The following KANK3 variants were observed in gnomAD, a reference collection of about 807,000 sequenced individuals.
KANK3 encodes the protein KN motif and ankyrin repeat domains 3.
Under a neutral mutation model 65.4 loss-of-function variants are expected in KANK3, and 61 were observed. That is an observed-to-expected ratio of 0.93 (90% confidence interval 0.76 to 1.15). The LOEUF is 1.15. KANK3 is among the 50% of genes most tolerant of loss of function. The pLI is 0.00. For missense variants in KANK3, 1,187 were observed against 1,178.8 expected, an observed-to-expected ratio of 1.01 and a Z score of -0.10; for synonymous variants, 586 against 543.3, an observed-to-expected ratio of 1.08 and a Z score of -1.09.
intron 7 of KANK3, 113 bp from the exon 8 acceptor site, chr19:8,325,209 G>A (rs1019448178): frequency 3.6e-5 from 42 of 1,179,600 alleles, no homozygotes; most frequent in African/African-American, 9.3e-5. Context: ...TGGTCTCAAC[G>A]TTCTCCCCAC....
chr19:8,339,247 G>T (rs1242263573), intron 1 of KANK3, among the ~76,000 whole-genome samples: 1 of 148,892 alleles, frequency 6.7e-6, no homozygotes, highest in African/African-American at 2.6e-5. Context: ...CAGAACTTTG[G>T]TTCAAAAAGC....
At chr19:8,330,728 C>CAA (rs74176639) in intron 7 of KANK3, among the ~76,000 whole-genome samples, 3,402 of 145,396 alleles carry the variant, frequency 0.023, 180 homozygotes, top group South Asian at 0.17. Flanking sequence ...AACTCCATCT[C>CAA]AAAAAAAAAA....
chr19:8,323,553 G>A (rs1307400670), intron 10 of KANK3: 2 of 151,272 alleles, frequency 1.3e-5, no homozygotes, highest in African/African-American at 2.4e-5. Flanking sequence ...GTGACAGAAC[G>A]AGACTCTTGT....
chr19:8,337,328 C>T (rs571969367), intron 2 of KANK3, among the ~76,000 whole-genome samples: 2 of 151,358 alleles, frequency 1.3e-5, no homozygotes, highest in Non-Finnish European at 2.9e-5. Context: ...CTCAGCCTCC[C>T]GAGTAGCTGG....
intron 1 of KANK3, among the ~76,000 whole-genome samples, chr19:8,338,973 G>C (rs1489190365): frequency 1.3e-5 from 2 of 151,872 alleles, no homozygotes; most frequent in African/African-American, 4.8e-5. Context: ...GGAATTGCGG[G>C]CTGGATGCAC....
In KANK3 at chr19:8,334,582, G is replaced by C; in HGVS notation, c.1245C>G (p.Thr415=). The C allele has an allele frequency of 6.3e-7, 1 of 1,594,668 alleles. No homozygotes were observed. Among genetic ancestry groups the C allele is most frequent in the Non-Finnish European group, 8.5e-7 (1 of 1,177,534 alleles). ...PWSCAEKAAQ[T]ESPAEAPSLT... ...AGGAGGGCGCCTCTGCCGGGGACTC[G>C]GTCTGCGCGGCCTTTTCGGCACAGC... Residue 415 remains threonine, a synonymous_variant, in exon 3 of 11, where the codon ACC becomes ACG. Transcript: ENST00000330915.
At chr19:8,326,162 G>T in intron 7 of KANK3, among the ~76,000 whole-genome samples, 1 of 152,050 alleles carries the variant, frequency 6.6e-6, no homozygotes, top group Non-Finnish European at 1.5e-5. Context: ...CCAGGACACT[G>T]GCTCACGTCT....
At chr19:8,327,581 A>G (rs911237999) in intron 7 of KANK3, among the ~76,000 whole-genome samples, 2 of 152,122 alleles carry the variant, frequency 1.3e-5, no homozygotes, top group Non-Finnish European at 2.9e-5. Flanking sequence ...CAGTGAGCCA[A>G]TATCACACCA....
At position 8,333,015 on chromosome 19, in the gene KANK3, C is replaced by G. The variant is rs1970555637; in HGVS notation, c.1935G>C (p.Thr645=). 15 of 1,324,548 alleles carry G rather than the reference C, an allele frequency of 1.1e-5. No individual in the cohort carries two copies. Among genetic ancestry groups the G allele is most frequent in the Non-Finnish European group, 1.6e-5 (15 of 966,646 alleles). 82.0% of individuals were successfully genotyped at this position (1,324,548 alleles called of 1,614,324 possible). ...CACCCACCCTCCCTTGGCTCTGACC[C>G]GTATCCAGGAGCAGGCTTGCGATGG... is the stretch of plus-strand genomic sequence containing the variant. The part of the protein sequence containing the change: ...NLAIASLLLD[T]GACEVNRQNR... Residue 645 remains threonine, a splice_region_variant and synonymous_variant, in exon 7 of 11, where the codon ACG becomes ACC. Coordinates refer to ENST00000330915, the MANE Select transcript of KANK3 (RefSeq NM_198471.3). The surrounding 1 kb of genome is among the most constrained non-coding windows in gnomAD (Gnocchi z 5.0).
At position 8,324,662 on chromosome 19, in the gene KANK3, G is replaced by A. The variant is rs1254975637; in HGVS notation, c.2251C>T (p.Gln751Ter). 1 of 1,614,034 alleles carries A rather than the reference G, an allele frequency of 6.2e-7. No individual in the cohort carries two copies. The highest frequency in any genetic ancestry group is 8.5e-7 in the Non-Finnish European group (1 of 1,180,024). ...RLDTVRLLLT[Q>*]PGCDPAILDN... is the part of the protein sequence containing the mutation. ...AGGATGGCAGGGTCACAGCCTGGCT[G>A]GGTGAGCAGCAGCCGCACGGTGTCC... Residue 751 changes from glutamine to a stop codon, truncating the protein, a stop_gained, in exon 9 of 11, where the codon CAG becomes TAG. Transcript: ENST00000330915. LOFTEE classifies it high-confidence loss of function.
intron 7 of KANK3, among the ~76,000 whole-genome samples, chr19:8,327,418 T>A (rs1217176713): frequency 6.6e-6 from 1 of 151,820 alleles, no homozygotes; most frequent in Non-Finnish European, 1.5e-5. Flanking sequence ...GATCACAAGG[T>A]CAAGAGATCA....
rs145402858 is a variant in KANK3, at chr19:8,324,677, G to A, written c.2236C>T (p.Arg746Trp). Residue 746 changes from arginine to tryptophan, a missense_variant, in exon 9 of 11, where the codon CGG becomes TGG. By Grantham distance (101) the Arg-to-Trp change is moderately radical (BLOSUM62 -3). Coordinates refer to ENST00000330915, the MANE Select transcript of KANK3 (RefSeq NM_198471.3). ...CAGCCTGGCTGGGTGAGCAGCAGCC[G>A]CACGGTGTCCAGGCGCCCATACTCA... ...ASEYGRLDTV[R>W]LLLTQPGCDP... 46 of 1,613,882 alleles carry A rather than the reference G, an allele frequency of 2.9e-5. No individual in the cohort carries two copies. The Middle Eastern group carries it at 4.9e-4, about 17-fold the overall frequency.
intron 2 of KANK3, 94 bp downstream of exon 2, chr19:8,337,701 C>G (rs1282458916): frequency 6.9e-7 from 1 of 1,459,118 alleles, no homozygotes; most frequent in East Asian, 2.3e-5. Flanking sequence ...GAGGACTGCA[C>G]TCTAGGGCTG....
intron 7 of KANK3, among the ~76,000 whole-genome samples, chr19:8,332,156 G>A (rs1970537360): frequency 6.6e-6 from 1 of 151,638 alleles, no homozygotes; most frequent in Admixed American, 6.6e-5. Flanking sequence ...ACCACGCCCA[G>A]CTAGTTTCTG....
chr19:8,326,812 A>C (rs1468318893), intron 7 of KANK3, among the ~76,000 whole-genome samples: 1 of 151,688 alleles, frequency 6.6e-6, no homozygotes, highest in Non-Finnish European at 1.5e-5. Context: ...AAAAAAAAAA[A>C]AAACCTGCCA....
At chr19:8,326,607 GA>G (rs1970432848) in intron 7 of KANK3, among the ~76,000 whole-genome samples, 1 of 144,644 alleles carries the variant, frequency 6.9e-6, no homozygotes, top group Admixed American at 7.0e-5. Flanking sequence ...CTAACTCAGT[GA>G]AACCCCGTCT....
intron 7 of KANK3, among the ~76,000 whole-genome samples, chr19:8,330,902 G>A (rs1233789710): frequency 6.7e-6 from 1 of 149,096 alleles, no homozygotes; most frequent in Non-Finnish European, 1.5e-5. Flanking sequence ...AGATCTGTTC[G>A]AAAAAACAAA....
In KANK3 at chr19:8,337,734, G is replaced by C. The variant is rs1970666307; in HGVS notation, c.34+61C>G. 8 of 1,580,400 alleles carry C rather than the reference G, an allele frequency of 5.1e-6. No individual in the cohort carries two copies. The Middle Eastern group carries it at 5.0e-4, about 98-fold the overall frequency. ...CTGTAGGCTGCGTCCACACACAAGG[G>C]CATCAAGCGTTTCTCTGTGCATGCG... On this transcript the variant is annotated intron_variant, in intron 2 of 10. Coordinates refer to ENST00000330915, the MANE Select transcript of KANK3 (RefSeq NM_198471.3).
chr19:8,342,182 C>T (rs113919499), intron 1 of KANK3, among the ~76,000 whole-genome samples: 2 of 152,008 alleles, frequency 1.3e-5, no homozygotes, highest in Non-Finnish European at 1.5e-5. Context: ...TTAGTAGAGA[C>T]GGGTTTCATC....
Sources: allele counts gnomAD v4.1 joint callset (sites outside exome capture counted in the v4.1 genomes callset), GRCh38; gene constraint gnomAD v4.1.1; non-coding constraint Gnocchi (gnomAD v3.1); transcripts MANE v1.5; gene names NCBI Gene and HGNC (gene_info 2026-07-23, HGNC 2026-07-21).